Variants in EYA3 observed in about 807,000 individuals in gnomAD.
The protein encoded by EYA3 is protein phosphatase EYA3.
A neutral mutation model predicts 80.0 loss-of-function variants in EYA3; 39 were observed. The observed-to-expected ratio is 0.49, with a 90% CI of 0.38 to 0.64. The LOEUF (loss-of-function observed/expected upper bound fraction) is 0.64, where lower values mean the gene tolerates loss of function less well. EYA3 is among the 30% of genes least tolerant of loss of function. The pLI is 0.00. For missense variants in EYA3, 523 were observed against 676.1 expected (o/e 0.77, Z 2.51); for synonymous variants, 206 against 232.8 (o/e 0.88, Z 1.05).
chr1:28,023,582 G>A (rs1376978789), intron 7 of EYA3, among the ~76,000 whole-genome samples: 1 of 152,148 alleles, frequency 6.6e-6, no homozygotes, highest in Admixed American at 6.5e-5. Context: ...AATTCTCTAA[G>A]AGTGGGGCAT....
At chr1:28,040,177 CTA>C (rs1158034647) in intron 4 of EYA3, among the ~76,000 whole-genome samples, 2 of 152,092 alleles carry the variant, frequency 1.3e-5, no homozygotes, top group Non-Finnish European at 2.9e-5. Context: ...CTGGCTTGGA[CTA>C]GAATAGCAAC....
At chr1:28,044,692 G>A (rs868843373) in intron 3 of EYA3, among the ~76,000 whole-genome samples, 18 of 152,076 alleles carry the variant, frequency 1.2e-4, no homozygotes, top group Non-Finnish European at 5.9e-5. Flanking sequence ...TAAAGTTCTC[G>A]TATCATTTCT....
intron 1 of EYA3, among the ~76,000 whole-genome samples, chr1:28,081,434 GAC>G (rs1645424910): frequency 1.3e-5 from 2 of 152,110 alleles, no homozygotes; most frequent in Admixed American, 6.6e-5. Context: ...TCCTAAATTT[GAC>G]ATTTTTAAAT....
rs1324431079 is a variant in EYA3, at chr1:27,971,802, G to A, written c.*2664C>T. 2 of 152,098 alleles carry A rather than the reference G, an allele frequency of 1.3e-5. No homozygotes were observed. Among genetic ancestry groups the A allele is most frequent in the Admixed American group, 1.3e-4 (2 of 15,258 alleles). The allele number at this position is 152,098 out of a possible 1,614,324, so 9.4% of individuals were successfully genotyped here. On this transcript the variant is annotated 3_prime_UTR_variant, in exon 18 of 18. Transcript: ENST00000373871. The stretch of plus-strand genomic sequence containing the variant: ...TTCCTTTCCAGATTTTTGTGTTGGG[G>A]TGGAGAAAAAGGCAGGGTAATTACA...
chr1:28,048,337 C>G, intron 3 of EYA3, 46 bp downstream of exon 3: 1 of 1,361,124 alleles, frequency 7.3e-7, no homozygotes, highest in Non-Finnish European at 1.0e-6. Flanking sequence ...AAAAAAAAAA[C>G]AAAACTTATG....
At chr1:28,088,371 A>G (rs975549466) in intron 1 of EYA3, among the ~76,000 whole-genome samples, 153 bp downstream of exon 1, 3 of 152,118 alleles carry the variant, frequency 2.0e-5, no homozygotes, top group Non-Finnish European at 1.5e-5. Context: ...GGCCAGCGTG[A>G]AGGAAAGGGC....
chr1:28,079,795 C>CT (rs761445915), intron 1 of EYA3, among the ~76,000 whole-genome samples: 4,272 of 140,044 alleles, frequency 0.031, 87 homozygotes, highest in Middle Eastern at 0.063. Flanking sequence ...TAAACATTTT[C>CT]TTTTTTTTTT....
chr1:28,020,667 C>CGTGTGTGTGTGTGTGT lies in EYA3; in HGVS notation c.500-3444_500-3429dup, dbSNP rs56017264. Among the ~76,000 whole-genome samples the CGTGTGTGTGTGTGTGT allele has an allele frequency of 6.7e-3, 902 of 134,520 alleles. 11 individuals are homozygous for CGTGTGTGTGTGTGTGT. Among genetic ancestry groups the CGTGTGTGTGTGTGTGT allele is most frequent in the South Asian group, 7.9e-3 (31 of 3,910 alleles). The allele number at this position is 134,520 out of a possible 152,430, so 88.3% of individuals were successfully genotyped here. A position where few individuals can be genotyped will look rare whatever the true frequency, so the allele number is the denominator to read the frequency against. On this transcript the variant is annotated intron_variant, in intron 7 of 17. Coordinates refer to ENST00000373871, the MANE Select transcript of EYA3 (RefSeq NM_001990.4). ...GCACTTTTAAAAAAATACAGATCATCGTGTGTGTGTGTGTGTGTGTGTGTG... is the reference window on the plus strand; with the variant it reads ...GCACTTTTAAAAAAATACAGATCATCGTGTGTGTGTGTGTGTGTGTGTGTGTGTGTGTGTGTGTGTG...
chr1:28,073,112 T>TATAC (rs1645075855), intron 1 of EYA3, among the ~76,000 whole-genome samples: 10 of 45,528 alleles, frequency 2.2e-4, no homozygotes, highest in Non-Finnish European at 3.8e-4. Context: ...ATTATATATA[T>TATAC]ATATATATAT....
Position 28,082,160 on chromosome 1 carries a change from C to G in EYA3, c.-69+6364G>C, listed in dbSNP as rs142255888. On this transcript the variant is annotated intron_variant, in intron 1 of 17. Transcript: ENST00000373871. ...TAATGTCTCAATTAATAAGAGTTAA[C>G]ATGAGAATTAAAATTAGTATTCCTA... Among the ~76,000 whole-genome samples, 1,042 of 152,186 alleles carry G rather than the reference C, an allele frequency of 6.8e-3. 5 individuals are homozygous for G. The highest frequency in any genetic ancestry group is 0.011 in the Non-Finnish European group (721 of 67,964).
chr1:28,048,825 T>G (rs545165321), intron 2 of EYA3, among the ~76,000 whole-genome samples: 188 of 152,286 alleles, frequency 1.2e-3, no homozygotes, highest in Non-Finnish European at 1.6e-3. Flanking sequence ...GGCTTTATAC[T>G]TAAGTTAGTT....
chr1:27,988,509 G>A (rs1353925620), intron 16 of EYA3, 26 bp downstream of exon 16: 18 of 1,606,932 alleles, frequency 1.1e-5, no homozygotes, highest in Non-Finnish European at 1.5e-5. Context: ...CAAGGCCAGT[G>A]ACAAGAAACA....
chr1:27,989,698 T>C lies in EYA3; in HGVS notation c.1417A>G (p.Arg473Gly). 6.3e-7 allele frequency: 1 copy of C among 1,595,000 alleles called. No individual in the cohort carries two copies. Among genetic ancestry groups the C allele is most frequent in the Non-Finnish European group, 8.6e-7 (1 of 1,165,326 alleles). Residue 473 changes from arginine to glycine, a missense_variant and splice_region_variant, in exon 15 of 18, where the codon AGA becomes GGA. By Grantham distance (125) the Arg-to-Gly change is moderately radical. This residue lies in a region of EYA3 where 219 missense variants were observed against 332.8 expected (regional missense o/e 0.66). Transcript: ENST00000373871. ...ALKSLLLIQSRKNCVNVLITT... is the reference protein window; with the variant it reads ...ALKSLLLIQSGKNCVNVLITT... ...GACCTAAAAGAACCATTTCCATACCTGGACTGGATGAGAAGTAAGGACTTT... is the reference window on the plus strand; with the variant it reads ...GACCTAAAAGAACCATTTCCATACCCGGACTGGATGAGAAGTAAGGACTTT...
chr1:28,078,911 T>C (rs554920213), intron 1 of EYA3, among the ~76,000 whole-genome samples: 1 of 152,298 alleles, frequency 6.6e-6, no homozygotes, highest in South Asian at 2.1e-4. Flanking sequence ...ATGTGTCTCA[T>C]AATGGAACAA....
chr1:27,995,422 A>G (rs74332204), intron 13 of EYA3, among the ~76,000 whole-genome samples: 4 of 109,976 alleles, frequency 3.6e-5, no homozygotes, highest in African/African-American at 9.2e-5. Flanking sequence ...TCTTAAAAGG[A>G]AAAAAAAAAA....
chr1:28,050,187 A>AT (rs1557617106), intron 2 of EYA3, among the ~76,000 whole-genome samples: 2 of 127,938 alleles, frequency 1.6e-5, no homozygotes, highest in African/African-American at 5.5e-5. Flanking sequence ...TATTATTATT[A>AT]TTATTATTAT....
At chr1:27,991,536 A>G (rs906526264) in intron 14 of EYA3, among the ~76,000 whole-genome samples, 2 of 152,224 alleles carry the variant, frequency 1.3e-5, no homozygotes, top group Non-Finnish European at 2.9e-5. Context: ...GTTAAAAAAA[A>G]ATCCTGTATT....
intron 7 of EYA3, among the ~76,000 whole-genome samples, chr1:28,020,163 C>G (rs913745937): frequency 7.2e-5 from 11 of 152,176 alleles, no homozygotes; most frequent in Non-Finnish European, 1.5e-4. Flanking sequence ...TTAAAAACAA[C>G]TAGCCATAAA....
At chr1:28,082,278 A>G (rs1645457576) in intron 1 of EYA3, among the ~76,000 whole-genome samples, 1 of 152,174 alleles carries the variant, frequency 6.6e-6, no homozygotes. Flanking sequence ...CAGAAAAATA[A>G]TATCATTATC....
Sources: gnomAD v4.1 joint callset for allele counts (sites outside exome capture counted in the v4.1 genomes callset) on GRCh38, gnomAD v4.1.1 for gene constraint, gnomAD v4.1.1 regional missense constraint, MANE v1.5 for transcripts, NCBI Gene and HGNC (gene_info 2026-07-23, HGNC 2026-07-21) for gene names.